MAMDC2: variants seen among roughly 807,000 people sequenced by gnomAD.
The protein encoded by MAMDC2 is MAM domain-containing protein 2.
In MAMDC2, 57 loss-of-function variants were observed where a neutral mutation model predicts 89.8. That is an observed-to-expected ratio of 0.63 (90% CI 0.51 to 0.79). MAMDC2 has a LOEUF of 0.79. Ranked by LOEUF, MAMDC2 falls within the 30% of genes least tolerant of loss-of-function variation. The pLI is 0.00. For synonymous variants in MAMDC2, 313 were observed against 293.4 expected (o/e 1.07, Z -0.68); for missense variants, 800 against 820.6 (o/e 0.97, Z 0.31).
chr9:70,225,668 A>G, intron 12 of MAMDC2, 82 bp from the exon 13 acceptor site: 1 of 840,962 alleles, frequency 1.2e-6, no homozygotes, highest in Non-Finnish European at 1.9e-6. Flanking sequence ...ACGTTTTCAT[A>G]TTTACAAAGC....
chr9:70,061,258 C>T (rs1410400077), intron 2 of MAMDC2, among the ~76,000 whole-genome samples: 1 of 152,146 alleles, frequency 6.6e-6, no homozygotes, highest in Non-Finnish European at 1.5e-5. Flanking sequence ...GAGTGACATC[C>T]CTTCTAGTTC....
chr9:70,160,062 A>G (rs982973280), intron 9 of MAMDC2, among the ~76,000 whole-genome samples: 5 of 152,144 alleles, frequency 3.3e-5, no homozygotes, highest in African/African-American at 1.2e-4. Context: ...AAGTAAAAAA[A>G]TTCGCAAGGC....
chr9:70,072,722 T>G (rs1019768181), intron 2 of MAMDC2, among the ~76,000 whole-genome samples: 5 of 152,114 alleles, frequency 3.3e-5, no homozygotes, highest in African/African-American at 1.2e-4. Context: ...AGCTAAATAA[T>G]TGTGTCTATC....
At chr9:70,044,531 G>T in intron 1 of MAMDC2, 53 bp from the exon 2 acceptor site, 3 of 1,423,626 alleles carry the variant, frequency 2.1e-6, no homozygotes, top group Non-Finnish European at 2.9e-6. Context: ...TCCCCGAGTT[G>T]GTGCAAAGGC....
At chr9:70,208,113 G>C (rs1187074748) in intron 11 of MAMDC2, among the ~76,000 whole-genome samples, 1 of 152,144 alleles carries the variant, frequency 6.6e-6, no homozygotes, top group African/African-American at 2.4e-5. Flanking sequence ...TTGGCACTGA[G>C]GGCTCTTTTT....
At chr9:70,220,235 A>G (rs1266408977) in intron 12 of MAMDC2, among the ~76,000 whole-genome samples, 4 of 152,216 alleles carry the variant, frequency 2.6e-5, no homozygotes, top group African/African-American at 9.7e-5. Context: ...GATCAGACAC[A>G]TGGCCTTGCA....
chr9:70,112,729 C>T (rs989338400), intron 4 of MAMDC2, among the ~76,000 whole-genome samples: 3 of 152,166 alleles, frequency 2.0e-5, no homozygotes, highest in African/African-American at 2.4e-5. Flanking sequence ...ACAGAGGCTA[C>T]AAAAAGTGGT....
At chr9:70,085,597 T>A (rs2118153373) in intron 2 of MAMDC2, among the ~76,000 whole-genome samples, 1 of 152,224 alleles carries the variant, frequency 6.6e-6, no homozygotes, top group African/African-American at 2.4e-5. Flanking sequence ...AGACTACTGC[T>A]TGTTTCCAAA....
intron 11 of MAMDC2, among the ~76,000 whole-genome samples, chr9:70,217,010 C>T (rs1391848673): frequency 2.6e-5 from 4 of 152,098 alleles, no homozygotes; most frequent in South Asian, 2.1e-4. Context: ...ATTGGAAGCC[C>T]GTACAAGTTG....
In MAMDC2 at chr9:70,108,248, G is replaced by C. The variant is rs2118253331; in HGVS notation, c.186G>C (p.Gln62His). 2.5e-6 allele frequency: 4 copies of C among 1,610,686 alleles called. No homozygotes were observed. Among genetic ancestry groups the C allele is most frequent in the Non-Finnish European group, 3.4e-6 (4 of 1,178,500 alleles). Reference sequence around the variant, plus strand: ...ATGTGGATACCTCCTTTGGCAAGCAGGGGGAGAAAGCTGTGCTGCTAAGTC... The same window carrying C: ...ATGTGGATACCTCCTTTGGCAAGCACGGGGAGAAAGCTGTGCTGCTAAGTC... ...YIYVDTSFGK[Q>H]GEKAVLLSPD... is the part of the protein sequence containing the mutation. Residue 62 changes from glutamine to histidine, a missense_variant, in exon 3 of 14, where the codon CAG becomes CAC. Transcript: ENST00000377182.
At chr9:70,164,289 T>A (rs1351980464) in intron 9 of MAMDC2, among the ~76,000 whole-genome samples, 1 of 152,214 alleles carries the variant, frequency 6.6e-6, no homozygotes, top group African/African-American at 2.4e-5. Flanking sequence ...TTGTGGATTT[T>A]AAAAAGCATG....
intron 11 of MAMDC2, among the ~76,000 whole-genome samples, chr9:70,175,534 C>T (rs142042106): frequency 6.6e-6 from 1 of 151,928 alleles, no homozygotes; most frequent in African/African-American, 2.4e-5. Flanking sequence ...TAATCTCTTA[C>T]TTGGCCTAAT....
chr9:70,161,572 A>G (rs992754669), intron 9 of MAMDC2, among the ~76,000 whole-genome samples: 4 of 152,242 alleles, frequency 2.6e-5, no homozygotes, highest in Non-Finnish European at 4.4e-5. Context: ...AAACAGTGCT[A>G]GGTTCTAAGA....
chr9:70,084,921 C>A (rs1257286489), intron 2 of MAMDC2, among the ~76,000 whole-genome samples: 1 of 152,042 alleles, frequency 6.6e-6, no homozygotes, highest in East Asian at 1.9e-4. Flanking sequence ...AAATCATGAA[C>A]TTTACTATAT....
At chr9:70,064,629 T>C (rs1227070725) in intron 2 of MAMDC2, among the ~76,000 whole-genome samples, 1 of 152,132 alleles carries the variant, frequency 6.6e-6, no homozygotes, top group Non-Finnish European at 1.5e-5. Flanking sequence ...GGAAACAGCT[T>C]TTACAGATAA....
intron 5 of MAMDC2, chr9:70,113,705 G>C (rs1451342124): frequency 6.5e-6 from 1 of 153,846 alleles, no homozygotes; most frequent in East Asian, 1.9e-4. Flanking sequence ...CTCCACAGAA[G>C]AGAGACAAGG....
At chr9:70,065,603 T>C (rs1333098842) in intron 2 of MAMDC2, among the ~76,000 whole-genome samples, 1 of 148,220 alleles carries the variant, frequency 6.7e-6, no homozygotes, top group Non-Finnish European at 1.5e-5. Context: ...TTTTAATACA[T>C]GGAGGCCCCT....
intron 6 of MAMDC2, among the ~76,000 whole-genome samples, chr9:70,129,879 AG>A (rs2030717928): frequency 6.6e-6 from 1 of 152,138 alleles, no homozygotes; most frequent in African/African-American, 2.4e-5. Context: ...AGGTGCTGGC[AG>A]GGCTTGTTCC....
intron 11 of MAMDC2, among the ~76,000 whole-genome samples, chr9:70,184,298 G>A (rs2032703287): frequency 6.6e-6 from 1 of 152,058 alleles, no homozygotes; most frequent in South Asian, 2.1e-4. Context: ...ACCTTTCTCT[G>A]TGGCTGCCTT....
Sources: allele counts gnomAD v4.1 joint callset (sites outside exome capture counted in the v4.1 genomes callset), GRCh38; gene constraint gnomAD v4.1.1; transcripts MANE v1.5; gene names NCBI Gene and HGNC (gene_info 2026-07-23, HGNC 2026-07-21).